The following ST3GAL2 variants were observed in gnomAD, a reference collection of about 807,000 sequenced individuals.
ST3GAL2 encodes CMP-N-acetylneuraminate-beta-galactosamide-alpha-2,3-sialyltransferase 2.
A neutral mutation model predicts 37.5 loss-of-function variants in ST3GAL2; 16 were observed. The ratio of observed to expected loss-of-function variants is 0.43; its 90% CI spans 0.29 to 0.65. ST3GAL2 has a LOEUF of 0.65. Among genes scored for constraint, ST3GAL2 ranks in the 30% least tolerant of loss-of-function variants. The pLI is 0.17. For missense variants in ST3GAL2, 383 were observed against 487.8 expected (o/e 0.79, Z 2.02); for synonymous variants, 238 against 202.9 (o/e 1.17, Z -1.47).
rs34454921 is a variant in ST3GAL2, at chr16:70,377,178, T to TAAAAAAAAAA, written c.*4501_*4510dup. On this transcript the variant is annotated 3_prime_UTR_variant, in exon 7 of 7. Transcript: ENST00000342907. ...CTGGGCGACAGGAGACCCTGTCTCTTAAAAAAAAAAAAAAAAAAAAAAAAA... is the reference window on the plus strand; with the variant it reads ...CTGGGCGACAGGAGACCCTGTCTCTTAAAAAAAAAAAAAAAAAAAAAAAAAAAAAAAAAAA... 1.1e-4 allele frequency: 9 copies of TAAAAAAAAAA among 85,478 alleles called. No homozygotes were observed. Among genetic ancestry groups the TAAAAAAAAAA allele is most frequent in the African/African-American group, 5.5e-4 (9 of 16,272 alleles). The allele number at this position is 85,478 out of a possible 1,614,324, so 5.3% of individuals were successfully genotyped here.
At chr16:70,416,155 G>A (rs896045380) in intron 1 of ST3GAL2, among the ~76,000 whole-genome samples, 2 of 152,046 alleles carry the variant, frequency 1.3e-5, no homozygotes, top group Non-Finnish European at 2.9e-5. Flanking sequence ...GTTGGTTACT[G>A]CTGACCACCA....
Position 70,381,977 on chromosome 16 carries a change from C to A in ST3GAL2, c.880-115G>T, listed in dbSNP as rs1237313271. 180 of 1,373,084 alleles carry A rather than the reference C, an allele frequency of 1.3e-4. No homozygotes were observed. In the East Asian group the frequency reaches 4.1e-3, roughly 32 times the overall value. The allele number at this position is 1,373,084 out of a possible 1,614,324, so 85.1% of individuals were successfully genotyped here. Reference sequence around the variant, plus strand: ...GGGAGGCCCCGGGGAGATGCAGGAGCCCCCAGGCCTGGCCTAAGGACATGG... The same window carrying A: ...GGGAGGCCCCGGGGAGATGCAGGAGACCCCAGGCCTGGCCTAAGGACATGG... On this transcript the variant is annotated intron_variant, in intron 6 of 6. Coordinates refer to ENST00000342907, the MANE Select transcript of ST3GAL2 (RefSeq NM_006927.4).
At chr16:70,396,084 G>T (rs554981737) in intron 2 of ST3GAL2, among the ~76,000 whole-genome samples, 18 of 150,938 alleles carry the variant, frequency 1.2e-4, no homozygotes, top group South Asian at 1.0e-3. Context: ...GGATTCTCCT[G>T]CCTCAGCCTC....
At chr16:70,418,372 T>C (rs778020712) in intron 1 of ST3GAL2, among the ~76,000 whole-genome samples, 5 of 152,112 alleles carry the variant, frequency 3.3e-5, no homozygotes, top group Non-Finnish European at 7.4e-5. Context: ...ACAGCTATCC[T>C]TCCTCCAGGA....
chr16:70,388,341 T>A (rs569970685), intron 4 of ST3GAL2, 26 bp downstream of exon 4: 1 of 1,613,740 alleles, frequency 6.2e-7, no homozygotes, highest in South Asian at 1.1e-5. Flanking sequence ...TCACCCATAT[T>A]CTACCCAGGC....
intron 1 of ST3GAL2, chr16:70,423,078 G>GC (rs2047726415): frequency 6.6e-6 from 1 of 152,300 alleles, no homozygotes; most frequent in Non-Finnish European, 1.5e-5. Context: ...CCCAGTGCCA[G>GC]CAAGAAACAG....
At chr16:70,424,368 G>A (rs985104946) in intron 1 of ST3GAL2, among the ~76,000 whole-genome samples, 7 of 150,516 alleles carry the variant, frequency 4.7e-5, no homozygotes, top group Middle Eastern at 3.4e-3. Context: ...TTGGGAGGCC[G>A]AGGCAGGCGG....
chr16:70,438,482 A>G (rs1360143674), intron 1 of ST3GAL2, among the ~76,000 whole-genome samples: 1 of 152,104 alleles, frequency 6.6e-6, no homozygotes. Context: ...CAGGTAGGGG[A>G]AAGATCACAG....
intron 1 of ST3GAL2, among the ~76,000 whole-genome samples, chr16:70,417,289 CCCCAGCCCCACCCCACCTT>C (rs2047682692): frequency 1.3e-5 from 2 of 151,530 alleles, no homozygotes; most frequent in South Asian, 4.1e-4. Flanking sequence ...CTCCACAGCG[CCCCAGCCCCACCCCACCTT>C]CCCAGCCCCC....
intron 1 of ST3GAL2, among the ~76,000 whole-genome samples, chr16:70,430,273 T>G (rs902028215): frequency 1.3e-5 from 2 of 152,202 alleles, no homozygotes; most frequent in Non-Finnish European, 2.9e-5. Context: ...CTAAAATACC[T>G]CAGCCAGGTC....
At chr16:70,407,989 C>T (rs966538078) in intron 1 of ST3GAL2, among the ~76,000 whole-genome samples, 110 of 152,142 alleles carry the variant, frequency 7.2e-4, no homozygotes, top group Non-Finnish European at 3.8e-4. Flanking sequence ...AGGAGAAAGA[C>T]GAAAGATAAA....
chr16:70,414,560 C>G (rs2047661825), intron 1 of ST3GAL2, among the ~76,000 whole-genome samples: 1 of 152,248 alleles, frequency 6.6e-6, no homozygotes, highest in African/African-American at 2.4e-5. Context: ...TCTGCCAGCA[C>G]AGGCCCAGCC....
intron 1 of ST3GAL2, among the ~76,000 whole-genome samples, chr16:70,432,381 T>C (rs932638990): frequency 7.9e-5 from 12 of 151,904 alleles, no homozygotes; most frequent in African/African-American, 2.9e-4. Context: ...CCAAGACAAC[T>C]CTGTTCCCTC....
At chr16:70,390,996 G>A (rs970209670) in intron 3 of ST3GAL2, among the ~76,000 whole-genome samples, 10 of 152,318 alleles carry the variant, frequency 6.6e-5, no homozygotes, top group East Asian at 1.9e-4. Context: ...AGGGAAGCAG[G>A]GAGCGCAGTC....
At chr16:70,410,191 AT>A (rs56411094) in intron 1 of ST3GAL2, among the ~76,000 whole-genome samples, 1 of 120,908 alleles carries the variant, frequency 8.3e-6, no homozygotes, top group South Asian at 2.9e-4. Context: ...TTTTTTCTGT[AT>A]TTTTTTTCTT....
chr16:70,413,560 C>CAAAAAAAAAAAAA (rs978301918), intron 1 of ST3GAL2, among the ~76,000 whole-genome samples: 5 of 32,084 alleles, frequency 1.6e-4, no homozygotes, highest in African/African-American at 2.8e-4. Context: ...ATCAAAAATA[C>CAAAAAAAAAAAAA]AAAAAAAAAA....
intron 1 of ST3GAL2, among the ~76,000 whole-genome samples, chr16:70,405,532 C>G (rs569980310): frequency 1.6e-5 from 2 of 122,288 alleles, no homozygotes; most frequent in Admixed American, 9.1e-5. Flanking sequence ...CACAGTGAGA[C>G]TCCGTCTTAA....
rs769792956 is a variant in ST3GAL2, at chr16:70,398,201, C to A, written c.330G>T (p.Arg110Ser). 8.1e-6 allele frequency: 13 copies of A among 1,612,622 alleles called. 1 individual carries two copies. The South Asian group carries it at 1.4e-4, about 18-fold the overall frequency. The part of the protein sequence containing the change: ...ENMDLPPDVQ[R>S]WWMMLQPQFK... ...GAGCAGCAGCTCTTACCATCCACCA[C>A]CTCTGGACGTCCGGTGGAAGATCCA... Residue 110 changes from arginine to serine, a missense_variant, in exon 2 of 7, where the codon AGG becomes AGT. Arg to Ser is a moderately radical substitution (Grantham distance 110, BLOSUM62 -1). Around this residue, in one of 2 missense-constraint regions of ST3GAL2, gnomAD observed 223 missense variants for 239.1 expected, o/e 0.93. Transcript: ENST00000342907.
chr16:70,381,762 T>G lies in ST3GAL2; in HGVS notation c.980A>C (p.Asp327Ala). Residue 327 changes from aspartate to alanine, a missense_variant, in exon 7 of 7, where the codon GAC (aspartate) becomes GCC (alanine). Physicochemically the swap from Asp to Ala is moderately radical, Grantham distance 126. This residue lies in a region of ST3GAL2 where 160 missense variants were observed against 248.6 expected (regional missense o/e 0.64). Coordinates refer to ENST00000342907, the MANE Select transcript of ST3GAL2 (RefSeq NM_006927.4). ...AGEFRKTGVH[D>A]ADFEAHIIDM... is the part of the protein sequence containing the mutation. ...GATGATGTGGGCCTCGAAGTCCGCG[T>G]CGTGCACGCCAGTCTTCCGGAACTC... 6.2e-7 allele frequency: 1 copy of G among 1,614,096 alleles called. No homozygotes were observed. The highest frequency in any genetic ancestry group is 2.2e-5 in the East Asian group (1 of 44,878).
Sources: allele counts gnomAD v4.1 joint callset (sites outside exome capture counted in the v4.1 genomes callset), GRCh38; gene constraint gnomAD v4.1.1; regional missense constraint gnomAD v4.1.1; transcripts MANE v1.5; gene names NCBI Gene and HGNC (gene_info 2026-07-23, HGNC 2026-07-21).